ELMOD1: variants seen among roughly 807,000 people sequenced by gnomAD.
ELMOD1 encodes ELMO domain-containing protein 1.
A neutral mutation model predicts 46.7 loss-of-function variants in ELMOD1; 21 were observed. That is an observed-to-expected ratio of 0.45 (90% confidence interval 0.32 to 0.65). The LOEUF (loss-of-function observed/expected upper bound fraction) is 0.65, where lower values mean the gene tolerates loss of function less well. ELMOD1 is among the 30% of genes least tolerant of loss of function. The pLI, the probability that ELMOD1 is intolerant of heterozygous loss-of-function variation, is 0.04. For synonymous variants in ELMOD1, 122 were observed against 138.2 expected (o/e 0.88, Z 0.82); for missense variants, 348 against 407.8 (o/e 0.85, Z 1.26).
intron 2 of ELMOD1, chr11:107,620,378 T>C (rs932085246): frequency 6.6e-6 from 1 of 152,188 alleles, no homozygotes; most frequent in South Asian, 2.1e-4. Flanking sequence ...GATATATTAA[T>C]GGTATAAATA....
At chr11:107,664,397 T>G (rs1866800941) in intron 11 of ELMOD1, among the ~76,000 whole-genome samples, 1 of 152,192 alleles carries the variant, frequency 6.6e-6, no homozygotes, top group Admixed American at 6.5e-5. Flanking sequence ...ATTCCCCAAA[T>G]TGTTTCAATC....
At chr11:107,656,450 A>T (rs907099687) in intron 11 of ELMOD1, among the ~76,000 whole-genome samples, 3 of 147,944 alleles carry the variant, frequency 2.0e-5, no homozygotes, top group South Asian at 4.2e-4. Context: ...GATATATATA[A>T]AAATATATAT....
At chr11:107,655,573 CTT>C (rs746890763) in intron 10 of ELMOD1, among the ~76,000 whole-genome samples, 60 of 112,440 alleles carry the variant, frequency 5.3e-4, no homozygotes, top group African/African-American at 1.8e-3. Context: ...ATTGAAATGC[CTT>C]TTTTTTTTTT....
chr11:107,632,258 T>G (rs1866153734), intron 5 of ELMOD1, among the ~76,000 whole-genome samples: 1 of 152,192 alleles, frequency 6.6e-6, no homozygotes, highest in African/African-American at 2.4e-5. Context: ...CTTTATATTT[T>G]CCACTGGGTA....
At chr11:107,621,275 A>G (rs1259629572) in intron 2 of ELMOD1, among the ~76,000 whole-genome samples, 1 of 152,224 alleles carries the variant, frequency 6.6e-6, no homozygotes, top group Non-Finnish European at 1.5e-5. Context: ...AGGAAAGGAA[A>G]ATATCTGCCA....
chr11:107,592,360 A>G (rs201586735), intron 1 of ELMOD1: 1 of 534,296 alleles, frequency 1.9e-6, no homozygotes, highest in Non-Finnish European at 3.8e-6. Flanking sequence ...GTAGATTGGT[A>G]CTATCAATTG....
chr11:107,624,833 T>C (rs1347253249), intron 2 of ELMOD1, among the ~76,000 whole-genome samples: 1 of 152,168 alleles, frequency 6.6e-6, no homozygotes, highest in African/African-American at 2.4e-5. Flanking sequence ...CTGGAATATA[T>C]TATAAAAAGA....
chr11:107,628,526 G>C (rs910420249), intron 2 of ELMOD1, among the ~76,000 whole-genome samples: 2 of 151,398 alleles, frequency 1.3e-5, no homozygotes, highest in South Asian at 2.1e-4. Flanking sequence ...TTATTTTTAG[G>C]GCTACTGGGT....
intron 1 of ELMOD1, among the ~76,000 whole-genome samples, chr11:107,598,065 G>A (rs1250074883): frequency 1.3e-5 from 2 of 152,116 alleles, no homozygotes; most frequent in African/African-American, 4.8e-5. Context: ...AGCATACAGT[G>A]GACAACTGTC....
intron 1 of ELMOD1, among the ~76,000 whole-genome samples, chr11:107,607,789 AT>A (rs2135662025): frequency 6.6e-6 from 1 of 152,300 alleles, no homozygotes; most frequent in South Asian, 2.1e-4. Flanking sequence ...AACTACAAAC[AT>A]TATTATTTAT....
Position 107,628,112 on chromosome 11 carries a change from C to T in ELMOD1, c.18-2305C>T, listed in dbSNP as rs566037884. Among the ~76,000 whole-genome samples the T allele has an allele frequency of 3.3e-5, 5 of 151,246 alleles. No individual in the cohort carries two copies. The East Asian group carries it at 9.7e-4, about 29-fold the overall frequency. ...TTTTTTTTTTTTTGGCATAGCTATC[C>T]AGTAGTTAGAAAATGAAAAACATTT... On this transcript the variant is annotated intron_variant, in intron 2 of 11. Transcript: ENST00000265840.
chr11:107,602,599 C>G (rs989018023), intron 1 of ELMOD1, among the ~76,000 whole-genome samples: 2 of 151,988 alleles, frequency 1.3e-5, no homozygotes, highest in African/African-American at 4.8e-5. Flanking sequence ...TTCTAATTCT[C>G]TTAAAGTTCC....
chr11:107,627,216 T>C (rs1170439742), intron 2 of ELMOD1, among the ~76,000 whole-genome samples: 2 of 152,110 alleles, frequency 1.3e-5, no homozygotes, highest in African/African-American at 4.8e-5. Context: ...GGGGAGAAAA[T>C]AGAATATATC....
intron 1 of ELMOD1, among the ~76,000 whole-genome samples, chr11:107,615,229 CTTTTTTTT>C (rs34461488): frequency 1.6e-4 from 13 of 81,132 alleles, no homozygotes; most frequent in Non-Finnish European, 2.1e-4. Flanking sequence ...TTGTCAGCAT[CTTTTTTTT>C]TTTTTTTTTT....
chr11:107,656,485 T>G (rs955896306), intron 11 of ELMOD1, among the ~76,000 whole-genome samples: 3 of 148,794 alleles, frequency 2.0e-5, no homozygotes, highest in Non-Finnish European at 4.5e-5. Flanking sequence ...ATATATAATA[T>G]AGAGAGAGAG....
chr11:107,599,752 GAAAAA>G (rs796354841), intron 1 of ELMOD1, among the ~76,000 whole-genome samples: 2 of 55,360 alleles, frequency 3.6e-5, no homozygotes, highest in East Asian at 1.5e-3. Context: ...AAAAAAAAAA[GAAAAA>G]AAGAAAAGAA....
At chr11:107,653,815 C>A (rs1274609980) in intron 9 of ELMOD1, 1 of 175,256 alleles carries the variant, frequency 5.7e-6, no homozygotes. Context: ...CTAGGTAAAA[C>A]CAAACAAAAT....
intron 1 of ELMOD1, among the ~76,000 whole-genome samples, chr11:107,615,078 T>C (rs1026555593): frequency 2.0e-5 from 3 of 152,164 alleles, no homozygotes; most frequent in African/African-American, 7.2e-5. Flanking sequence ...CCCTTTTGTT[T>C]ACCCTATAGT....
intron 1 of ELMOD1, among the ~76,000 whole-genome samples, chr11:107,606,982 C>T (rs1865695662): frequency 6.6e-6 from 1 of 152,186 alleles, no homozygotes; most frequent in African/African-American, 2.4e-5. Context: ...TCTCCACTTT[C>T]CATATACATA....
Sources: allele counts gnomAD v4.1 joint callset (sites outside exome capture counted in the v4.1 genomes callset), GRCh38; gene constraint gnomAD v4.1.1; transcripts MANE v1.5; gene names NCBI Gene and HGNC (gene_info 2026-07-23, HGNC 2026-07-21).